Variants in KCNAB2 observed in about 807,000 individuals in gnomAD.
The protein encoded by KCNAB2 is voltage-gated potassium channel subunit beta-2.
A neutral mutation model predicts 63.6 loss-of-function variants in KCNAB2; 29 were observed. The ratio of observed to expected loss-of-function variants is 0.46; its 90% CI spans 0.34 to 0.62. The LOEUF is 0.62. KCNAB2 is among the 20% of genes least tolerant of loss of function. The probability of loss-of-function intolerance (pLI) is 0.01; values close to 1 mark genes in which losing one functional copy is unlikely to be tolerated. For missense variants in KCNAB2, 359 were observed against 563.9 expected, an observed-to-expected ratio of 0.64 and a Z score of 3.68; for synonymous variants, 222 against 224.2, an observed-to-expected ratio of 0.99 and a Z score of 0.09.
intron 13 of KCNAB2, among the ~76,000 whole-genome samples, chr1:6,095,911 C>T (rs1665591713): frequency 7.1e-6 from 1 of 140,514 alleles, no homozygotes; most frequent in Non-Finnish European, 1.5e-5. Flanking sequence ...CCCCCTACCA[C>T]ATCCCCCACC....
intron 1 of KCNAB2, among the ~76,000 whole-genome samples, chr1:6,011,344 G>A (rs1447526004): frequency 4.3e-5 from 6 of 140,404 alleles, no homozygotes; most frequent in Admixed American, 1.4e-4. Flanking sequence ...ACAGGCAGGC[G>A]GCTGTGCCCA....
intron 2 of KCNAB2, 45 bp from the exon 3 acceptor site, chr1:6,072,710 G>A: frequency 6.2e-7 from 1 of 1,609,292 alleles, no homozygotes; most frequent in East Asian, 2.2e-5. Flanking sequence ...TGGCTGGCAG[G>A]GTCCTGCCTG....
intron 1 of KCNAB2, among the ~76,000 whole-genome samples, chr1:6,039,607 T>C (rs1001177614): frequency 1.4e-4 from 21 of 151,984 alleles, no homozygotes; most frequent in Non-Finnish European, 2.4e-4. Flanking sequence ...GGGTCAGGCA[T>C]TGGGGCAGAG....
At chr1:6,040,623 G>A (rs748155676) in exon 2 of KCNAB2, 2 of 1,613,972 alleles carry the variant, frequency 1.2e-6, no homozygotes, top group South Asian at 2.2e-5. Flanking sequence ...GCGGCAGACG[G>A]GCTCCCCCGG....
intron 1 of KCNAB2, among the ~76,000 whole-genome samples, chr1:5,993,428 C>T (rs1262166927): frequency 6.6e-6 from 1 of 152,130 alleles, no homozygotes; most frequent in Non-Finnish European, 1.5e-5. Context: ...GCACACACAC[C>T]GCCACTTCTG....
chr1:6,092,606 C>CG (rs1430467403), intron 10 of KCNAB2, among the ~76,000 whole-genome samples: 1 of 152,212 alleles, frequency 6.6e-6, no homozygotes, highest in East Asian at 1.9e-4. Flanking sequence ...ACCACAAGGC[C>CG]GGGCAGGCCA....
intron 15 of KCNAB2, chr1:6,097,676 C>A: frequency 1.8e-6 from 1 of 562,254 alleles, no homozygotes; most frequent in Non-Finnish European, 3.2e-6. Context: ...GTCAGGTGGG[C>A]TTGTTGAGAA....
At position 6,038,930 on chromosome 1, in the gene KCNAB2, G is replaced by C. The variant is rs905388593; in HGVS notation, c.-52-1587G>C. On this transcript the variant is annotated intron_variant, in intron 1 of 15. Coordinates refer to the KCNAB2 transcript ENST00000164247. ...GTGGGTGTGGGACCACGTGATTTTG[G>C]ATCAGGGGTCATTTGTCCTTCCAGA... Among the ~76,000 whole-genome samples the C allele has an allele frequency of 4.6e-5, 7 of 152,304 alleles. No homozygotes were observed. In the South Asian group the frequency reaches 8.3e-4, roughly 18 times the overall value.
At chr1:6,058,454 G>A (rs1570982332) in intron 2 of KCNAB2, among the ~76,000 whole-genome samples, 4 of 152,182 alleles carry the variant, frequency 2.6e-5, no homozygotes, top group South Asian at 2.1e-4. Flanking sequence ...TCCATGACTC[G>A]ATTTCCTTAC....
chr1:6,097,502 G>A, intron 15 of KCNAB2, 145 bp downstream of exon 15: 5 of 1,420,178 alleles, frequency 3.5e-6, no homozygotes, highest in Non-Finnish European at 4.8e-6. Flanking sequence ...TGCTCCTGGA[G>A]AGCTTGCTTT....
In KCNAB2 at chr1:6,028,466, A is replaced by G. The variant is rs1410212624; in HGVS notation, c.-52-12051A>G. ...ACATGCAAAATAACATCAGTTCAAC[A>G]AGCAGGTGCTGGAGTCCTCGCCCCG... is the stretch of plus-strand genomic sequence containing the variant. On this transcript the variant is annotated intron_variant, in intron 1 of 16. Coordinates refer to the KCNAB2 transcript ENST00000341524. The surrounding 1 kb of genome is among the most constrained non-coding windows in gnomAD (Gnocchi z 4.0). 6.6e-6 allele frequency among the ~76,000 whole-genome samples: 1 copy of G among 152,142 alleles called. No homozygotes were observed.
Position 6,100,027 on chromosome 1 carries a change from G to A in KCNAB2, c.*1453G>A, listed in dbSNP as rs764783304. The A allele has an allele frequency of 1.6e-5, 25 of 1,525,480 alleles. No homozygotes were observed. In the South Asian group the frequency reaches 2.2e-4, roughly 14 times the overall value. The allele number at this position is 1,525,480 out of a possible 1,614,324, so 94.5% of individuals were successfully genotyped here. On this transcript the variant is annotated 3_prime_UTR_variant, in exon 16 of 16. Transcript: ENST00000378083. The stretch of plus-strand genomic sequence containing the variant: ...CACCCCTCGCCAGCTAGCTCCATAG[G>A]GAAGCCTGTGTCTCCTGCCCCCAGG...
intron 2 of KCNAB2, among the ~76,000 whole-genome samples, chr1:6,068,256 C>T (rs964405737): frequency 5.3e-5 from 8 of 152,334 alleles, no homozygotes; most frequent in African/African-American, 1.7e-4. Flanking sequence ...ATGCTCACCA[C>T]GCCCATGTGT....
intron 1 of KCNAB2, among the ~76,000 whole-genome samples, chr1:6,016,375 C>G (rs1054110599): frequency 7.9e-5 from 12 of 152,224 alleles, no homozygotes; most frequent in Non-Finnish European, 1.6e-4. Context: ...TGGCTCTTCC[C>G]CAGCTTCCAT....
Position 6,099,935 on chromosome 1 carries a change from G to A in KCNAB2, c.*1361G>A. The A allele has an allele frequency of 6.4e-7, 1 of 1,550,416 alleles. No homozygotes were observed. The highest frequency in any genetic ancestry group is 8.7e-7 in the Non-Finnish European group (1 of 1,146,916). On this transcript the variant is annotated 3_prime_UTR_variant, in exon 16 of 16. Transcript: ENST00000378083. ...TGCGGGGTGCCACCTACAGGCCCAGGCCTGTGTCCCAAGCAGTACCCAGGC... is the reference window on the plus strand; with the variant it reads ...TGCGGGGTGCCACCTACAGGCCCAGACCTGTGTCCCAAGCAGTACCCAGGC...
At chr1:6,049,457 A>G (rs987317558) in intron 1 of KCNAB2, among the ~76,000 whole-genome samples, 1 of 152,234 alleles carries the variant, frequency 6.6e-6, no homozygotes, top group African/African-American at 2.4e-5. Flanking sequence ...AAAGAGGCAC[A>G]TGGTGTGGTT....
chr1:6,041,925 G>A (rs762450903), upstream of KCNAB2: 155 of 1,549,858 alleles, frequency 1.0e-4, no homozygotes, highest in Non-Finnish European at 1.2e-4. Context: ...CCAGGGAGCG[G>A]GTGGGAGGAC....
rs1663343590 is a variant in KCNAB2, at chr1:6,072,984, AG to A, written c.262+192del. On this transcript the variant is annotated intron_variant, in intron 3 of 15. Transcript: ENST00000378083. ...CCATGGCAACAAAGAGGCAGGTGGG[AG>A]GGGGGCTGGGATAGAGGGAGAGAGA... Among the ~76,000 whole-genome samples the A allele has an allele frequency of 1.5e-4, 20 of 137,228 alleles. No individual in the cohort carries two copies. In the South Asian group the frequency reaches 4.8e-3, roughly 33 times the overall value. The allele number at this position is 137,228 out of a possible 152,430, so 90.0% of individuals were successfully genotyped here.
chr1:6,043,079 T>C (rs1354013404), upstream of KCNAB2, among the ~76,000 whole-genome samples: 1 of 152,154 alleles, frequency 6.6e-6, no homozygotes, highest in Non-Finnish European at 1.5e-5. Context: ...AATGTTTGTA[T>C]TGTGATGTAT....
Sources: gnomAD v4.1 joint callset for allele counts (sites outside exome capture counted in the v4.1 genomes callset) on GRCh38, gnomAD v4.1.1 for gene constraint, Gnocchi (gnomAD v3.1) non-coding constraint, MANE v1.5 for transcripts, NCBI Gene and HGNC (gene_info 2026-07-23, HGNC 2026-07-21) for gene names.